The following RPAP2 variants were observed in gnomAD, a reference collection of about 807,000 sequenced individuals.
RPAP2 encodes putative RNA polymerase II subunit B1 CTD phosphatase RPAP2.
RPAP2 carries 52 observed loss-of-function variants against 73.1 expected under a neutral mutation model. The ratio of observed to expected loss-of-function variants is 0.71; its 90% CI spans 0.57 to 0.90. The LOEUF is 0.90. Among genes scored for constraint, RPAP2 ranks in the 40% least tolerant of loss-of-function variants. The pLI is 0.00. For missense variants in RPAP2, 598 were observed against 701.8 expected (o/e 0.85, Z 1.67); for synonymous variants, 225 against 242.1 (o/e 0.93, Z 0.65).
chr1:92,375,612 C>T (rs1655350857), intron 11 of RPAP2, among the ~76,000 whole-genome samples: 1 of 152,178 alleles, frequency 6.6e-6, no homozygotes, highest in Non-Finnish European at 1.5e-5. Flanking sequence ...GGGCAGATCA[C>T]TTGAGGTCAG....
At chr1:92,356,505 G>A (rs751595504) in intron 11 of RPAP2, among the ~76,000 whole-genome samples, 8 of 150,528 alleles carry the variant, frequency 5.3e-5, no homozygotes, top group East Asian at 4.0e-4. Flanking sequence ...TGCAACCTCC[G>A]CCTCCTGGGT....
intron 10 of RPAP2, among the ~76,000 whole-genome samples, chr1:92,341,909 C>G (rs556304774): frequency 6.6e-6 from 1 of 152,346 alleles, no homozygotes; most frequent in East Asian, 1.9e-4. Flanking sequence ...TCCCAACGTG[C>G]TAGGATTACA....
intron 5 of RPAP2, among the ~76,000 whole-genome samples, 165 bp downstream of exon 5, chr1:92,304,514 T>C (rs1651070904): frequency 6.6e-6 from 1 of 152,234 alleles, no homozygotes; most frequent in South Asian, 2.1e-4. Context: ...TGATTTTATT[T>C]GTAAATATTT....
rs1656235991 is a variant in RPAP2, at chr1:92,398,320, A to G, written c.*11309A>G. ...AAATATATACATCTACTATGTACCC[A>G]CAAAAATTAAAAAATGTTTACAGGA... On this transcript the variant is annotated 3_prime_UTR_variant, in exon 13 of 13. Coordinates refer to ENST00000610020, the MANE Select transcript of RPAP2 (RefSeq NM_024813.3). 1 of 152,288 alleles carries G rather than the reference A, an allele frequency of 6.6e-6. No individual in the cohort carries two copies. The highest frequency in any genetic ancestry group is 1.9e-4 in the East Asian group (1 of 5,176). The allele number at this position is 152,288 out of a possible 1,614,324, so 9.4% of individuals were successfully genotyped here.
intron 11 of RPAP2, among the ~76,000 whole-genome samples, chr1:92,374,812 A>C (rs531063366): frequency 1.3e-5 from 2 of 152,292 alleles, no homozygotes; most frequent in Non-Finnish European, 2.9e-5. Flanking sequence ...TAAAACATAA[A>C]GTTGATGGGT....
intron 10 of RPAP2, among the ~76,000 whole-genome samples, chr1:92,344,183 G>C (rs1653752760): frequency 6.6e-6 from 1 of 152,146 alleles, no homozygotes; most frequent in Non-Finnish European, 1.5e-5. Flanking sequence ...GCCGAGGCGG[G>C]TGGATCACTT....
At chr1:92,352,345 C>T (rs1654262657) in intron 11 of RPAP2, among the ~76,000 whole-genome samples, 1 of 152,200 alleles carries the variant, frequency 6.6e-6, no homozygotes, top group Non-Finnish European at 1.5e-5. Flanking sequence ...TAGGCAGCCA[C>T]TTTAGGTAAC....
intron 12 of RPAP2, among the ~76,000 whole-genome samples, chr1:92,382,280 T>C (rs1571151679): frequency 6.6e-6 from 1 of 152,312 alleles, no homozygotes; most frequent in Non-Finnish European, 1.5e-5. Context: ...TTTGGGTATA[T>C]ACCCAGTAAT....
At chr1:92,377,252 G>A (rs1305578671) in intron 11 of RPAP2, among the ~76,000 whole-genome samples, 1 of 152,090 alleles carries the variant, frequency 6.6e-6, no homozygotes, top group Admixed American at 6.5e-5. Context: ...CGGGCGCGGT[G>A]GCTCATGCCT....
intron 4 of RPAP2, 53 bp from the exon 5 acceptor site, chr1:92,304,231 C>A: frequency 1.6e-6 from 2 of 1,245,290 alleles, no homozygotes; most frequent in Non-Finnish European, 2.3e-6. Context: ...TGTAACATAA[C>A]GTTCATGTTT....
rs1656219311 is a variant in RPAP2 at position 92,397,770 on chromosome 1, A to T, written c.*10759A>T. The T allele has an allele frequency of 6.6e-6, 1 of 152,252 alleles. No homozygotes were observed. The highest frequency in any genetic ancestry group is 1.5e-5 in the Non-Finnish European group (1 of 68,058). The allele number at this position is 152,252 out of a possible 1,614,324, so 9.4% of individuals were successfully genotyped here. On this transcript the variant is annotated 3_prime_UTR_variant, in exon 13 of 13. Transcript: ENST00000610020. Reference sequence around the variant, plus strand: ...AAGGCTAGAGCCAAAAAAATGCAAGATAAGCCTGGAGCATCTTGTAGTACC... The same window carrying T: ...AAGGCTAGAGCCAAAAAAATGCAAGTTAAGCCTGGAGCATCTTGTAGTACC...
chr1:92,322,960 TTATA>T (rs1652379043), intron 7 of RPAP2, among the ~76,000 whole-genome samples: 1 of 147,420 alleles, frequency 6.8e-6, no homozygotes, highest in African/African-American at 2.5e-5. Flanking sequence ...ATAATATACA[TTATA>T]TATGTACAAG....
rs1001100176 is a variant in RPAP2 at position 92,392,392 on chromosome 1, TAAG to T, written c.*5383_*5385del. On this transcript the variant is annotated 3_prime_UTR_variant, in exon 13 of 13. Transcript: ENST00000610020. Reference sequence around the variant, plus strand: ...ATTGATGGAATGTATCTCAATATAATAAGAGGTTATTTATGACAAACCCACAGC... The same window carrying T: ...ATTGATGGAATGTATCTCAATATAATAGGTTATTTATGACAAACCCACAGC... 2 of 152,084 alleles carry T rather than the reference TAAG, an allele frequency of 1.3e-5. No homozygotes were observed. The highest frequency in any genetic ancestry group is 6.6e-5 in the Admixed American group (1 of 15,260). 9.4% of individuals were successfully genotyped at this position (152,084 alleles called of 1,614,324 possible).
At chr1:92,370,161 A>G (rs565546397) in intron 11 of RPAP2, among the ~76,000 whole-genome samples, 1 of 152,366 alleles carries the variant, frequency 6.6e-6, no homozygotes, top group South Asian at 2.1e-4. Flanking sequence ...CTGGGATTAC[A>G]GGCATGAGCC....
chr1:92,301,448 T>A, intron 2 of RPAP2, 28 bp from the exon 3 acceptor site: 1 of 1,175,484 alleles, frequency 8.5e-7, no homozygotes, highest in Non-Finnish European at 1.3e-6. Flanking sequence ...AGCTTTTAAG[T>A]AGATTAAGTT....
At chr1:92,363,621 C>A in intron 11 of RPAP2, 1 of 229,716 alleles carries the variant, frequency 4.4e-6, no homozygotes, top group Non-Finnish European at 8.8e-6. Context: ...TTGAACTGTG[C>A]AAGTCCACTT....
At chr1:92,309,155 T>C (rs1480229894) in intron 6 of RPAP2, among the ~76,000 whole-genome samples, 1 of 151,782 alleles carries the variant, frequency 6.6e-6, no homozygotes, top group Non-Finnish European at 1.5e-5. Context: ...GATGAAAATG[T>C]CCTTTGTGCC....
chr1:92,308,787 C>T (rs1260622053), intron 6 of RPAP2, among the ~76,000 whole-genome samples: 4 of 152,114 alleles, frequency 2.6e-5, no homozygotes, highest in African/African-American at 9.7e-5. Flanking sequence ...TGGTGATACC[C>T]TGTCTCTACT....
chr1:92,323,983 G>C lies in RPAP2; in HGVS notation c.1063G>C (p.Val355Leu), dbSNP rs1006879832. The C allele has an allele frequency of 1.2e-6, 2 of 1,614,058 alleles. No individual in the cohort carries two copies. The stretch of plus-strand genomic sequence containing the variant: ...AGTGTCTAGGTCAGTGTCTAGTTCA[G>C]TGCAGGTGTGTCCTGAAGTTGGAAA... ...NQVSRSVSSSVQVCPEVGKRN... is the reference protein window; with the variant it reads ...NQVSRSVSSSLQVCPEVGKRN... The change falls in exon 8 of 13, where the codon GTG becomes CTG. Residue 355 changes from valine (V) to leucine (L), a missense_variant. Val to Leu is a conservative substitution (Grantham distance 32). Transcript: ENST00000610020.
Sources: allele counts gnomAD v4.1 joint callset (sites outside exome capture counted in the v4.1 genomes callset), GRCh38; gene constraint gnomAD v4.1.1; transcripts MANE v1.5; gene names NCBI Gene and HGNC (gene_info 2026-07-23, HGNC 2026-07-21).